Variants in PICALM observed in about 807,000 individuals in gnomAD.
PICALM encodes phosphatidylinositol-binding clathrin assembly protein.
Under a neutral mutation model 80.5 loss-of-function variants are expected in PICALM, and 40 were observed. The ratio of observed to expected loss-of-function variants is 0.50; its 90% CI spans 0.39 to 0.65. PICALM has a LOEUF of 0.65. Ranked by LOEUF, PICALM falls within the 30% of genes least tolerant of loss-of-function variation. The pLI is 0.00. For synonymous variants in PICALM, 288 were observed against 260.3 expected (o/e 1.11, Z -1.02); for missense variants, 676 against 778.9 (o/e 0.87, Z 1.57).
rs937421936 is a variant in PICALM, at chr11:85,957,810, C to T, written c.*1236G>A. 7 of 221,246 alleles carry T rather than the reference C, an allele frequency of 3.2e-5. No homozygotes were observed. Among genetic ancestry groups the T allele is most frequent in the African/African-American group, 1.6e-4 (7 of 44,632 alleles). 13.7% of individuals were successfully genotyped at this position (221,246 alleles called of 1,614,324 possible). On this transcript the variant is annotated 3_prime_UTR_variant, in exon 20 of 20. Transcript: ENST00000393346. Reference sequence around the variant, plus strand: ...ATGCTTAAACTCATGTACAGAATTGCTTTCCTACAATGAACTGTCCTTCTT... The same window carrying T: ...ATGCTTAAACTCATGTACAGAATTGTTTTCCTACAATGAACTGTCCTTCTT...
Position 86,011,085 on chromosome 11 carries a change from T to C in PICALM, c.710A>G (p.Tyr237Cys), listed in dbSNP as rs2095386007. Residue 237 changes from tyrosine to cysteine, a missense_variant, in exon 7 of 20, where the codon TAT (tyrosine) becomes TGT (cysteine). Around this residue, in one of 2 missense-constraint regions of PICALM, gnomAD observed 285 missense variants for 395.4 expected, o/e 0.72. Transcript: ENST00000393346. The stretch of plus-strand genomic sequence containing the variant: ...TGTCATCCTAGTTAGGAACTTCTTA[T>C]AGATGTCAAGACCTTCTTTGCATTG... Reference protein sequence around the residue: ...KNQCKEGLDIYKKFLTRMTRI... With the variant: ...KNQCKEGLDICKKFLTRMTRI... 1.9e-6 allele frequency: 3 copies of C among 1,555,556 alleles called. No homozygotes were observed. The highest frequency in any genetic ancestry group is 1.4e-5 in the African/African-American group (1 of 73,066).
chr11:85,965,725 C>T (rs1490606165), intron 19 of PICALM, among the ~76,000 whole-genome samples: 1 of 151,972 alleles, frequency 6.6e-6, no homozygotes, highest in Admixed American at 6.6e-5. Context: ...CAACAAAACC[C>T]CACCTTGGGT....
chr11:85,991,432 G>C (rs937281603), intron 12 of PICALM, among the ~76,000 whole-genome samples: 10 of 151,840 alleles, frequency 6.6e-5, no homozygotes, highest in African/African-American at 2.2e-4. Context: ...CATTAAGAAG[G>C]CAACAGTGGC....
chr11:85,973,744 T>C (rs1221377216), intron 19 of PICALM, among the ~76,000 whole-genome samples: 4 of 152,186 alleles, frequency 2.6e-5, no homozygotes, highest in African/African-American at 9.7e-5. Flanking sequence ...AAATGTAATA[T>C]ATATGCATTC....
intron 12 of PICALM, 101 bp from the exon 13 acceptor site, chr11:85,990,500 T>C: frequency 1.8e-6 from 1 of 549,366 alleles, no homozygotes; most frequent in Non-Finnish European, 2.9e-6. Context: ...GTAACTATAT[T>C]ATTGTTTATT....
At chr11:86,024,436 C>T (rs2095617106) in intron 3 of PICALM, among the ~76,000 whole-genome samples, 1 of 135,328 alleles carries the variant, frequency 7.4e-6, no homozygotes, top group Non-Finnish European at 1.6e-5. Context: ...AAAAAAATTC[C>T]CCTGATCTTT....
chr11:85,978,787 G>A (rs1249000992), intron 17 of PICALM: 1 of 152,110 alleles, frequency 6.6e-6, no homozygotes, highest in South Asian at 2.1e-4. Context: ...CATTTTAGTA[G>A]TCAGTCTTAA....
At chr11:85,985,928 G>C (rs1003655719) in intron 13 of PICALM, among the ~76,000 whole-genome samples, 1 of 152,064 alleles carries the variant, frequency 6.6e-6, no homozygotes, top group African/African-American at 2.4e-5. Flanking sequence ...TAAGAGATAA[G>C]CCTATCCTTT....
chr11:86,031,762 T>C (rs563790232), intron 1 of PICALM, 151 bp from the exon 2 acceptor site: 40 of 591,636 alleles, frequency 6.8e-5, no homozygotes, highest in African/African-American at 4.8e-4. Context: ...ATTAGAGCAA[T>C]TGAGACTACC....
At chr11:86,004,627 C>A (rs1169186953) in intron 8 of PICALM, among the ~76,000 whole-genome samples, 1 of 151,906 alleles carries the variant, frequency 6.6e-6, no homozygotes, top group Admixed American at 6.6e-5. Context: ...TAAGAACTGT[C>A]CGCTCTAAGT....
Position 86,000,685 on chromosome 11 carries a change from G to T in PICALM, c.1112C>A (p.Ala371Glu). 1 of 1,611,224 alleles carries T rather than the reference G, an allele frequency of 6.2e-7. No homozygotes were observed. Among genetic ancestry groups the T allele is most frequent in the Middle Eastern group, 2.0e-4 (1 of 4,936 alleles). ...GGTAGAAAATATGTCAATGGCTGGT[G>T]CAGTCATTATCCCTCCTGCTGAGGT... is the stretch of plus-strand genomic sequence containing the variant. ...VSTSAGGIMT[A>E]PAIDIFSTPS... The change falls in exon 11 of 20, where the codon GCA (alanine) becomes GAA (glutamate). Residue 371 changes from alanine to glutamate, a missense_variant. Coordinates refer to ENST00000393346, the MANE Select transcript of PICALM (RefSeq NM_007166.4).
intron 13 of PICALM, among the ~76,000 whole-genome samples, chr11:85,985,675 T>C (rs764682314): frequency 3.9e-5 from 6 of 152,220 alleles, no homozygotes; most frequent in Non-Finnish European, 8.8e-5. Context: ...CTTAACTCTT[T>C]ACATAAAAAG....
intron 8 of PICALM, among the ~76,000 whole-genome samples, chr11:86,005,824 T>G (rs1370758911): frequency 2.6e-5 from 4 of 152,134 alleles, no homozygotes; most frequent in Admixed American, 2.6e-4. Context: ...TCTTCTGCAT[T>G]ACCACCATCG....
At chr11:86,051,750 TCTC>T (rs2096192603) in intron 1 of PICALM, among the ~76,000 whole-genome samples, 1 of 152,176 alleles carries the variant, frequency 6.6e-6, no homozygotes, top group Non-Finnish European at 1.5e-5. Flanking sequence ...AGAAAAGCTC[TCTC>T]CTATCTATAT....
At chr11:86,000,554 ATAAAAG>A (rs1291454957) in intron 11 of PICALM, 83 bp downstream of exon 11, 1 of 1,017,078 alleles carries the variant, frequency 9.8e-7, no homozygotes, top group African/African-American at 1.6e-5. Flanking sequence ...AAAAGCATAA[ATAAAAG>A]TAAACCTGAA....
At chr11:86,023,088 A>G (rs2095594456) in intron 3 of PICALM, among the ~76,000 whole-genome samples, 1 of 152,210 alleles carries the variant, frequency 6.6e-6, no homozygotes, top group Admixed American at 6.5e-5. Flanking sequence ...AAACTTTAGC[A>G]ACATAAAATC....
intron 2 of PICALM, among the ~76,000 whole-genome samples, chr11:86,030,749 T>C (rs947103133): frequency 3.9e-5 from 6 of 152,202 alleles, no homozygotes; most frequent in African/African-American, 1.2e-4. Flanking sequence ...TCTCAGCAAA[T>C]GCCATCTTAG....
At chr11:86,047,812 G>A (rs576912822) in intron 1 of PICALM, among the ~76,000 whole-genome samples, 2 of 152,190 alleles carry the variant, frequency 1.3e-5, no homozygotes, top group African/African-American at 2.4e-5. Flanking sequence ...CTCTTAAAAC[G>A]TTTCCGGCTG....
intron 18 of PICALM, among the ~76,000 whole-genome samples, chr11:85,975,113 T>C (rs1252554713): frequency 6.6e-6 from 1 of 152,184 alleles, no homozygotes; most frequent in African/African-American, 2.4e-5. Flanking sequence ...TGATTAAGAC[T>C]AAGAGTTTCC....
Sources: allele counts gnomAD v4.1 joint callset (sites outside exome capture counted in the v4.1 genomes callset), GRCh38; gene constraint gnomAD v4.1.1; regional missense constraint gnomAD v4.1.1; transcripts MANE v1.5; gene names NCBI Gene and HGNC (gene_info 2026-07-23, HGNC 2026-07-21).